PCNX1: variants seen among roughly 807,000 people sequenced by gnomAD.
PCNX1 encodes the protein pecanex 1.
In PCNX1, 78 loss-of-function variants were observed where a neutral mutation model predicts 242.2. The observed-to-expected ratio is 0.32, with a 90% CI of 0.27 to 0.39. PCNX1 has a LOEUF of 0.39. Among genes scored for constraint, PCNX1 ranks in the 10% least tolerant of loss-of-function variants. The probability of loss-of-function intolerance (pLI) is 1.00; values close to 1 mark genes in which losing one functional copy is unlikely to be tolerated. For missense variants in PCNX1, 2,581 were observed against 2,856.5 expected (o/e 0.90, Z 2.20); for synonymous variants, 1,024 against 1,032.9 (o/e 0.99, Z 0.17).
intron 1 of PCNX1, among the ~76,000 whole-genome samples, chr14:70,911,279 T>C (rs938233047): frequency 6.6e-6 from 1 of 152,174 alleles, no homozygotes; most frequent in Non-Finnish European, 1.5e-5. Context: ...CTTTTATTTA[T>C]TCCCCCCCAA....
At chr14:71,016,097 A>G (rs892126915) in intron 11 of PCNX1, among the ~76,000 whole-genome samples, 1 of 152,240 alleles carries the variant, frequency 6.6e-6, no homozygotes, top group Non-Finnish European at 1.5e-5. Context: ...CAAAAGGCTT[A>G]TAGTACTGGC....
chr14:71,043,746 A>G (rs899346539), intron 19 of PCNX1, among the ~76,000 whole-genome samples: 1 of 151,926 alleles, frequency 6.6e-6, no homozygotes, highest in Non-Finnish European at 1.5e-5. Context: ...ATTTCTTTGT[A>G]TTATTCATAT....
Position 70,959,245 on chromosome 14 carries a change from A to G in PCNX1, c.363-2981A>G, listed in dbSNP as rs1208495012. Among the ~76,000 whole-genome samples the G allele has an allele frequency of 2.0e-5, 3 of 147,024 alleles. No homozygotes were observed. In the Admixed American group the frequency reaches 2.0e-4, roughly 10 times the overall value. Reference sequence around the variant, plus strand: ...TCTTTTTTTTTTTTTAATTATTATTATACTTTAAGTTTTAGGGTACATGTG... The same window carrying G: ...TCTTTTTTTTTTTTTAATTATTATTGTACTTTAAGTTTTAGGGTACATGTG... On this transcript the variant is annotated intron_variant, in intron 2 of 35. Coordinates refer to ENST00000304743, the MANE Select transcript of PCNX1 (RefSeq NM_014982.3).
At chr14:70,966,913 G>A (rs116589992) in intron 3 of PCNX1, among the ~76,000 whole-genome samples, 1,784 of 152,080 alleles carry the variant, frequency 0.012, 31 homozygotes, top group African/African-American at 0.041. Context: ...AATGCTTTTT[G>A]GTTTTTTTCT....
At position 71,044,862 on chromosome 14, in the gene PCNX1, C is replaced by A. The variant is rs539844974; in HGVS notation, c.3868-271C>A. Among the ~76,000 whole-genome samples, 5 of 152,314 alleles carry A rather than the reference C, an allele frequency of 3.3e-5. No individual in the cohort carries two copies. The East Asian group carries it at 9.6e-4, about 29-fold the overall frequency. Reference sequence around the variant, plus strand: ...CATGTAATAGGCAATACACCTTAGGCCACTCTCTCATTATACAATAGTGTA... The same window carrying A: ...CATGTAATAGGCAATACACCTTAGGACACTCTCTCATTATACAATAGTGTA... On this transcript the variant is annotated intron_variant, in intron 19 of 35. Transcript: ENST00000304743.
chr14:70,992,343 A>G (rs1252349587), intron 7 of PCNX1, among the ~76,000 whole-genome samples: 2 of 152,216 alleles, frequency 1.3e-5, no homozygotes, highest in African/African-American at 4.8e-5. Flanking sequence ...CTGTAATACA[A>G]TAAGGTCATA....
At chr14:71,059,631 G>A (rs1031060424) in intron 26 of PCNX1, among the ~76,000 whole-genome samples, 107 of 152,058 alleles carry the variant, frequency 7.0e-4, no homozygotes, top group African/African-American at 2.5e-3. Context: ...GAGCTCAAGC[G>A]ACCCTCCAGC....
At chr14:71,057,801 C>T in intron 26 of PCNX1, 77 bp downstream of exon 26, 1 of 945,288 alleles carries the variant, frequency 1.1e-6, no homozygotes, top group Non-Finnish European at 1.7e-6. Flanking sequence ...TATCTCAAAC[C>T]AGAAGTTGTC....
At chr14:70,962,871 T>A (rs540342089) in intron 3 of PCNX1, among the ~76,000 whole-genome samples, 1 of 152,210 alleles carries the variant, frequency 6.6e-6, no homozygotes, top group Admixed American at 6.5e-5. Flanking sequence ...TCATCCTAAA[T>A]ACCCGTACAC....
At chr14:70,949,652 T>A (rs1038813248) in intron 2 of PCNX1, among the ~76,000 whole-genome samples, 1 of 152,198 alleles carries the variant, frequency 6.6e-6, no homozygotes, top group African/African-American at 2.4e-5. Flanking sequence ...TGATTCGATG[T>A]CAACTCCTCC....
intron 28 of PCNX1, among the ~76,000 whole-genome samples, chr14:71,087,896 C>T (rs1453302731): frequency 6.6e-6 from 1 of 151,740 alleles, no homozygotes; most frequent in African/African-American, 2.4e-5. Flanking sequence ...TGTTTATAGT[C>T]ACTAATAGGC....
At chr14:71,043,628 T>A (rs1479731784) in intron 19 of PCNX1, among the ~76,000 whole-genome samples, 1 of 152,118 alleles carries the variant, frequency 6.6e-6, no homozygotes, top group African/African-American at 2.4e-5. Flanking sequence ...TTGCTTATAT[T>A]TTTTATTTTA....
At chr14:71,020,655 G>A (rs930759600) in intron 12 of PCNX1, among the ~76,000 whole-genome samples, 1 of 151,768 alleles carries the variant, frequency 6.6e-6, no homozygotes, top group Non-Finnish European at 1.5e-5. Context: ...TAAGTTCCTT[G>A]TAGATTCTGG....
intron 7 of PCNX1, among the ~76,000 whole-genome samples, chr14:70,994,610 A>G (rs2059291776): frequency 1.3e-5 from 2 of 151,480 alleles, no homozygotes; most frequent in Admixed American, 1.3e-4. Flanking sequence ...TCTTTTATTC[A>G]TTCTAGAGGT....
In PCNX1 at chr14:70,978,280, C is replaced by T. The variant is rs1394005817; in HGVS notation, c.1943C>T (p.Thr648Ile). 7 of 1,613,992 alleles carry T rather than the reference C, an allele frequency of 4.3e-6. No individual in the cohort carries two copies. The highest frequency in any genetic ancestry group is 1.1e-5 in the South Asian group (1 of 91,094). The change falls in exon 6 of 36, where the codon ACT becomes ATT. Residue 648 changes from threonine (T) to isoleucine (I), a missense_variant. Transcript: ENST00000304743. ...GRYSALKTKH[T>I]HKERGTDSEH... ...TACAGTGCTCTAAAGACCAAACACA[C>T]TCATAAAGAAAGGGGCACAGACTCT...
rs563033118 is a variant in PCNX1 at position 71,057,290 on chromosome 14, C to T, written c.4637-219C>T. On this transcript the variant is annotated intron_variant, in intron 25 of 35. Transcript: ENST00000304743. The stretch of plus-strand genomic sequence containing the variant: ...AATTCTCACATTTTGTGAATGAGAA[C>T]CATAGATTCCGGGAGGTTATGTGAC... Among the ~76,000 whole-genome samples, 3 of 152,276 alleles carry T rather than the reference C, an allele frequency of 2.0e-5. No homozygotes were observed. In the East Asian group the frequency reaches 5.8e-4, roughly 29 times the overall value.
chr14:70,937,969 C>T (rs375412567), intron 1 of PCNX1, among the ~76,000 whole-genome samples: 6 of 152,136 alleles, frequency 3.9e-5, no homozygotes, highest in African/African-American at 9.7e-5. Context: ...GTGATTTTTG[C>T]ACATTGATTT....
At chr14:71,039,929 A>G (rs534172713) in intron 19 of PCNX1, among the ~76,000 whole-genome samples, 3 of 152,228 alleles carry the variant, frequency 2.0e-5, no homozygotes, top group African/African-American at 4.8e-5. Flanking sequence ...GTGGGTATCC[A>G]TGTTTCCATT....
At chr14:70,936,490 A>G (rs558498323) in intron 1 of PCNX1, among the ~76,000 whole-genome samples, 1 of 152,166 alleles carries the variant, frequency 6.6e-6, no homozygotes, top group Non-Finnish European at 1.5e-5. Context: ...ATAGTATTCC[A>G]TGGTGTATAT....
Sources: allele counts gnomAD v4.1 joint callset (sites outside exome capture counted in the v4.1 genomes callset), GRCh38; gene constraint gnomAD v4.1.1; transcripts MANE v1.5; gene names NCBI Gene and HGNC (gene_info 2026-07-23, HGNC 2026-07-21).